The following ANKRD30B variants were observed in gnomAD, a reference collection of about 807,000 sequenced individuals.
The protein encoded by ANKRD30B is ankyrin repeat domain-containing protein 30B.
Under a neutral mutation model 202.2 loss-of-function variants are expected in ANKRD30B, and 144 were observed. The ratio of observed to expected loss-of-function variants is 0.71; its 90% confidence interval spans 0.62 to 0.82. The LOEUF (loss-of-function observed/expected upper bound fraction) is 0.82, where lower values mean the gene tolerates loss of function less well. Ranked by LOEUF, ANKRD30B falls within the 40% of genes least tolerant of loss-of-function variation. The pLI is 0.00. For missense variants in ANKRD30B, 1,487 were observed against 1,669.1 expected (o/e 0.89, Z 1.90); for synonymous variants, 508 against 561.3 (o/e 0.91, Z 1.34).
At chr18:14,796,134 T>A in intron 16 of ANKRD30B, 87 bp from the exon 17 acceptor site, 2 of 1,349,490 alleles carry the variant, frequency 1.5e-6, no homozygotes, top group South Asian at 2.3e-5. Flanking sequence ...AGCATGAGGA[T>A]TCATCTTCAT....
At chr18:14,805,026 A>T (rs542233238) in intron 24 of ANKRD30B, among the ~76,000 whole-genome samples, 1 of 150,724 alleles carries the variant, frequency 6.6e-6, no homozygotes, top group Admixed American at 6.6e-5. Context: ...ACTAAACCTC[A>T]GTGACTCATT....
the ANKRD30B span, among the ~76,000 whole-genome samples, chr18:14,872,494 C>G: frequency 6.6e-6 from 1 of 152,118 alleles, no homozygotes; most frequent in Non-Finnish European, 1.5e-5. Flanking sequence ...TTATTGAGAA[C>G]CTGTTGTGTA....
chr18:14,752,487 A>G, intron 1 of ANKRD30B, 79 bp from the exon 2 acceptor site: 1 of 1,010,614 alleles, frequency 9.9e-7, no homozygotes. Flanking sequence ...ATGGTATTTA[A>G]TGTTTACAAT....
the ANKRD30B span, among the ~76,000 whole-genome samples, chr18:14,880,600 T>C: frequency 3.4e-5 from 5 of 148,098 alleles, no homozygotes; most frequent in Non-Finnish European, 7.4e-5. Context: ...AGTTTCGCTC[T>C]TGTCGCTGAG....
At chr18:14,828,000 C>A (rs1196758054) in intron 32 of ANKRD30B, among the ~76,000 whole-genome samples, 1 of 152,190 alleles carries the variant, frequency 6.6e-6, no homozygotes, top group African/African-American at 2.4e-5. Context: ...AACAAATCAT[C>A]TGAGTCTTTG....
At chr18:14,826,691 T>TCACACA (rs767398948) in intron 32 of ANKRD30B, among the ~76,000 whole-genome samples, 1,774 of 83,704 alleles carry the variant, frequency 0.021, 16 homozygotes, top group African/African-American at 0.034. Context: ...TCTCTCTCTC[T>TCACACA]CTCACACACA....
the ANKRD30B span, among the ~76,000 whole-genome samples, chr18:14,894,334 T>C: frequency 2.3e-3 from 344 of 152,314 alleles, 2 homozygotes; most frequent in African/African-American, 8.1e-3. Flanking sequence ...ACTAATTCTT[T>C]TTTAATTACC....
chr18:14,870,361 C>G, the ANKRD30B span, among the ~76,000 whole-genome samples: 1 of 152,244 alleles, frequency 6.6e-6, no homozygotes, highest in Non-Finnish European at 1.5e-5. Context: ...CACATGCAGG[C>G]AGTCTCTCTG....
the ANKRD30B span, among the ~76,000 whole-genome samples, chr18:14,900,063 T>A: frequency 6.6e-6 from 1 of 152,214 alleles, no homozygotes; most frequent in African/African-American, 2.4e-5. Flanking sequence ...TACAATTTTT[T>A]AAAAAATATT....
intron 15 of ANKRD30B, 59 bp downstream of exon 15, chr18:14,787,159 T>G (rs375405993): frequency 2.7e-6 from 4 of 1,474,208 alleles, no homozygotes; most frequent in East Asian, 4.7e-5. Flanking sequence ...AAACATAAAA[T>G]CAGATGCTTA....
chr18:14,816,577 A>C (rs1451178784), intron 30 of ANKRD30B: 1 of 151,350 alleles, frequency 6.6e-6, no homozygotes, highest in Admixed American at 6.6e-5. Context: ...CCCATGAGGC[A>C]GAGATTGCAG....
intron 9 of ANKRD30B, among the ~76,000 whole-genome samples, chr18:14,773,484 A>G (rs1198932636): frequency 1.3e-5 from 2 of 152,224 alleles, no homozygotes; most frequent in Non-Finnish European, 2.9e-5. Flanking sequence ...TTTCAAAAAT[A>G]TGGCTTAAAT....
At chr18:14,912,191 G>C in the ANKRD30B span, among the ~76,000 whole-genome samples, 1 of 152,160 alleles carries the variant, frequency 6.6e-6, no homozygotes, top group Non-Finnish European at 1.5e-5. Context: ...TCCTTGTTTT[G>C]CTTCAGTTCT....
At chr18:14,889,930 A>G in the ANKRD30B span, 10 of 617,070 alleles carry the variant, frequency 1.6e-5, no homozygotes, top group East Asian at 2.6e-4. Context: ...CAGAATGGTG[A>G]GATATTTCGA....
chr18:14,789,768 G>C (rs1339731507), intron 15 of ANKRD30B, among the ~76,000 whole-genome samples: 1 of 152,144 alleles, frequency 6.6e-6, no homozygotes, highest in African/African-American at 2.4e-5. Flanking sequence ...TTTGGTACCA[G>C]TACCACGCTG....
intron 26 of ANKRD30B, among the ~76,000 whole-genome samples, chr18:14,809,329 T>C (rs536882144): frequency 6.6e-6 from 1 of 151,168 alleles, no homozygotes; most frequent in East Asian, 1.9e-4. Context: ...AGTCTTTCCA[T>C]AACCTATGAT....
chr18:14,850,508 A>T, intron 41 of ANKRD30B, 126 bp downstream of exon 41: 1 of 1,010,086 alleles, frequency 9.9e-7, no homozygotes, highest in Non-Finnish European at 1.3e-6. Flanking sequence ...TCTTAAAATT[A>T]ACTATGACTT....
intron 24 of ANKRD30B, among the ~76,000 whole-genome samples, chr18:14,807,494 C>A (rs1019158930): frequency 1.2e-4 from 18 of 148,330 alleles, no homozygotes; most frequent in Admixed American, 1.1e-3. Context: ...TAAAAAGTCT[C>A]TGGAAATTGA....
chr18:14,904,885 G>A, the ANKRD30B span, among the ~76,000 whole-genome samples: 1 of 152,162 alleles, frequency 6.6e-6, no homozygotes, highest in Non-Finnish European at 1.5e-5. Flanking sequence ...ATAAGGGTGA[G>A]ACCTACTGGG....
Sources: allele counts gnomAD v4.1 joint callset (sites outside exome capture counted in the v4.1 genomes callset), GRCh38; gene constraint gnomAD v4.1.1; transcripts MANE v1.5; gene names NCBI Gene and HGNC (gene_info 2026-07-23, HGNC 2026-07-21).